ZNF596: variants seen among roughly 807,000 people sequenced by gnomAD.
ZNF596 encodes zinc finger protein 596.
In ZNF596, 45 loss-of-function variants were observed where a neutral mutation model predicts 48.3. The observed-to-expected ratio is 0.93, with a 90% confidence interval of 0.73 to 1.19. The LOEUF is 1.19. Among genes scored for constraint, ZNF596 ranks in the 50% most tolerant of loss-of-function variants. The pLI is 0.00. For synonymous variants in ZNF596, 270 were observed against 202.0 expected (o/e 1.34, Z -2.85); for missense variants, 848 against 599.7 (o/e 1.41, Z -4.32).
chr8:244,979 A>T (rs1797003748), intron 5 of ZNF596, among the ~76,000 whole-genome samples, 175 bp from the exon 6 acceptor site: 1 of 152,106 alleles, frequency 6.6e-6, no homozygotes, highest in Admixed American at 6.5e-5. Context: ...CAACAGGAAA[A>T]CTCTCTACAT....
At chr8:241,020 A>G (rs1014604666) in intron 2 of ZNF596, 113 bp downstream of exon 2, 61 of 1,308,376 alleles carry the variant, frequency 4.7e-5, no homozygotes, top group Non-Finnish European at 5.5e-5. Context: ...CCAAGCTCCA[A>G]TTAAGATTCC....
In ZNF596 at chr8:243,801, G is replaced by A. The variant is rs763554725; in HGVS notation, c.219G>A (p.Leu73=). ...TTTCAACACAAAGAATAAGCTTACT[G>A]CAAGGTGAGCTCTAAGAAGCAGTGC... The part of the protein sequence containing the change: ...EKLSTQRISL[L]QGREVGIKHQ... The change falls in exon 4 of 6, where the codon CTG becomes CTA. Residue 73 remains leucine, a synonymous_variant. Coordinates refer to ENST00000398612, the MANE Select transcript of ZNF596 (RefSeq NM_001042416.3). The A allele has an allele frequency of 5.0e-6, 8 of 1,612,272 alleles. No homozygotes were observed. The highest frequency in any genetic ancestry group is 1.1e-5 in the South Asian group (1 of 91,058).
At position 246,004 on chromosome 8, in the gene ZNF596, C is replaced by G. The variant is rs370301818; in HGVS notation, c.1157C>G (p.Thr386Ser). Residue 386 changes from threonine to serine, a missense_variant, in exon 6 of 6, where the codon ACT becomes AGT. Transcript: ENST00000398612. The stretch of plus-strand genomic sequence containing the variant: ...CTTAAACGACATGAGAGAATTCACA[C>G]TGGAGAGAAACCATATGAGTGCCAT... ...SVLKRHERIH[T>S]GEKPYECHVC... 5.9e-5 allele frequency: 95 copies of G among 1,614,108 alleles called. No homozygotes were observed. Among genetic ancestry groups the G allele is most frequent in the Admixed American group, 1.2e-4 (7 of 60,024 alleles).
At position 245,235 on chromosome 8, in the gene ZNF596, G is replaced by A. The variant is rs1325340481; in HGVS notation, c.388G>A (p.Val130Met). ...FTQHIALTQN[V>M]ITYMRTKHFV... ...TCAACATATAGCATTGACTCAAAATGTGATTACCTACATGAGAACGAAACA... is the reference window on the plus strand; with the variant it reads ...TCAACATATAGCATTGACTCAAAATATGATTACCTACATGAGAACGAAACA... The change falls in exon 6 of 6, where the codon GTG becomes ATG. Residue 130 changes from valine (V) to methionine (M), a missense_variant. Transcript: ENST00000398612. 4.3e-6 allele frequency: 7 copies of A among 1,613,846 alleles called. No homozygotes were observed. The highest frequency in any genetic ancestry group is 3.3e-5 in the Admixed American group (2 of 59,988).
chr8:246,183 C>T lies in ZNF596; in HGVS notation c.1336C>T (p.Pro446Ser). Residue 446 changes from proline to serine, a missense_variant, in exon 6 of 6, where the codon CCA becomes TCA. Transcript: ENST00000398612. ...TGAGAGAACTCACACTGGAGAGAAA[C>T]CATATGAATGCAATATATGTGGTAA... ...RHERTHTGEKPYECNICGKAF... is the reference protein window; with the variant it reads ...RHERTHTGEKSYECNICGKAF... 1 of 1,614,104 alleles carries T rather than the reference C, an allele frequency of 6.2e-7. No homozygotes were observed. Among genetic ancestry groups the T allele is most frequent in the Non-Finnish European group, 8.5e-7 (1 of 1,180,026 alleles).
At chr8:241,906 AG>A (rs563721861) in intron 2 of ZNF596, among the ~76,000 whole-genome samples, 2 of 152,206 alleles carry the variant, frequency 1.3e-5, no homozygotes, top group South Asian at 4.1e-4. Flanking sequence ...ATAAGGCAGC[AG>A]GAGAGAGACC....
At position 245,156 on chromosome 8, in the gene ZNF596, A is replaced by G; in HGVS notation, c.309A>G (p.Arg103=). 6.4e-7 allele frequency: 1 copy of G among 1,574,448 alleles called. No homozygotes were observed. The highest frequency in any genetic ancestry group is 8.6e-7 in the Non-Finnish European group (1 of 1,161,356). Reference sequence around the variant, plus strand: ...TTTCATTTCATTCCCAAAACCAGAGATCTCATACTCAAGAGGATCCTTTTC... The same window carrying G: ...TTTCATTTCATTCCCAAAACCAGAGGTCTCATACTCAAGAGGATCCTTTTC... ...QKGTSTISTM[R]SHTQEDPFLC... The change falls in exon 6 of 6, where the codon AGA becomes AGG. Residue 103 remains arginine (R), a splice_region_variant and synonymous_variant. Coordinates refer to ENST00000398612, the MANE Select transcript of ZNF596 (RefSeq NM_001042416.3).
chr8:236,013 G>A (rs1243896783), intron 1 of ZNF596, among the ~76,000 whole-genome samples: 2 of 152,126 alleles, frequency 1.3e-5, no homozygotes, highest in Non-Finnish European at 2.9e-5. Context: ...GGACTTTTAA[G>A]TCTAGGTTGC....
chr8:243,754 C>A lies in ZNF596; in HGVS notation c.172C>A (p.Gln58Lys), dbSNP rs774989482. ...KQLCKSVVLS[Q>K]LEQVEKLSTQ... ...GCTCTGCAAATCAGTTGTGCTTTCCCAATTGGAGCAAGTAGAGAAACTTTC... is the reference window on the plus strand; with the variant it reads ...GCTCTGCAAATCAGTTGTGCTTTCCAAATTGGAGCAAGTAGAGAAACTTTC... The change falls in exon 4 of 6, where the codon CAA becomes AAA. Residue 58 changes from glutamine (Q) to lysine (K), a missense_variant. Transcript: ENST00000398612. 1.5e-5 allele frequency: 24 copies of A among 1,613,718 alleles called. No homozygotes were observed. Among genetic ancestry groups the A allele is most frequent in the Non-Finnish European group, 1.9e-5 (23 of 1,179,774 alleles).
At position 246,132 on chromosome 8, in the gene ZNF596, A is replaced by C. The variant is rs1797076315; in HGVS notation, c.1285A>C (p.Asn429His). The change falls in exon 6 of 6, where the codon AAT becomes CAT. Residue 429 changes from asparagine (N) to histidine (H), a missense_variant. By Grantham distance (68) the Asn-to-His change is moderately conservative. Transcript: ENST00000398612. ...ATGCCATCTATGCGGAAAAGCCTTC[A>C]ATCACTCTTCTGTCCTTAGACGACA... ...YECHLCGKAFNHSSVLRRHER... is the reference protein window; with the variant it reads ...YECHLCGKAFHHSSVLRRHER... The C allele has an allele frequency of 1.9e-6, 3 of 1,613,508 alleles. No individual in the cohort carries two copies. The highest frequency in any genetic ancestry group is 1.7e-6 in the Non-Finnish European group (2 of 1,179,438).
rs1411368966 is a variant in ZNF596, at chr8:245,598, T to C, written c.751T>C (p.Tyr251His). ...GAGAACTCACACTGGAGAGAAGCCA[T>C]ATGGATGTCATCTATGTGGGAAAGC... ...HERTHTGEKP[Y>H]GCHLCGKAFS... The change falls in exon 6 of 6, where the codon TAT (tyrosine) becomes CAT (histidine). Residue 251 changes from tyrosine to histidine, a missense_variant. Physicochemically the swap from Tyr to His is moderately conservative, Grantham distance 83. Coordinates refer to ENST00000398612, the MANE Select transcript of ZNF596 (RefSeq NM_001042416.3). 6.2e-7 allele frequency: 1 copy of C among 1,613,746 alleles called. No individual in the cohort carries two copies. The highest frequency in any genetic ancestry group is 8.5e-7 in the Non-Finnish European group (1 of 1,179,984).
intron 1 of ZNF596, among the ~76,000 whole-genome samples, chr8:238,411 C>A (rs1796707212): frequency 6.6e-6 from 1 of 151,966 alleles, no homozygotes. Flanking sequence ...ACTGGCACAG[C>A]TCTGTGAGAC....
Position 246,777 on chromosome 8 carries a change from C to T in ZNF596, c.*415C>T, listed in dbSNP as rs934416744. ...TGTGCACTCTCATTCAGCTAAGCAC[C>T]AATTTTGGTGTGTGCAAGAAAATTC... is the stretch of plus-strand genomic sequence containing the variant. On this transcript the variant is annotated 3_prime_UTR_variant, in exon 6 of 6. Transcript: ENST00000398612. The T allele has an allele frequency of 1.2e-5, 2 of 161,562 alleles. No homozygotes were observed. The highest frequency in any genetic ancestry group is 4.8e-5 in the African/African-American group (2 of 41,668). The allele number at this position is 161,562 out of a possible 1,614,324, so 10.0% of individuals were successfully genotyped here. A position where few individuals can be genotyped will look rare whatever the true frequency, so the allele number is the denominator to read the frequency against.
At chr8:236,399 G>C (rs1423178184) in intron 1 of ZNF596, among the ~76,000 whole-genome samples, 1 of 151,990 alleles carries the variant, frequency 6.6e-6, no homozygotes, top group Non-Finnish European at 1.5e-5. Context: ...CATTTTTGTA[G>C]TCCCTCTCCT....
intron 5 of ZNF596, 92 bp from the exon 6 acceptor site, chr8:245,062 T>G (rs1420816669): frequency 1.3e-5 from 18 of 1,419,432 alleles, no homozygotes; most frequent in Non-Finnish European, 1.5e-5. Flanking sequence ...CACTGAATGA[T>G]TATTCTAGAA....
intron 2 of ZNF596, 122 bp downstream of exon 2, chr8:241,029 C>A (rs370965992): frequency 4.1e-6 from 5 of 1,223,932 alleles, no homozygotes; most frequent in East Asian, 4.7e-5. Context: ...AATTAAGATT[C>A]CCCAGGGCTT....
intron 4 of ZNF596, chr8:244,283 A>G (rs897387888): frequency 1.5e-5 from 4 of 275,596 alleles, no homozygotes; most frequent in Admixed American, 1.1e-4. Context: ...TGTAGGTATC[A>G]ATTTTTATTC....
rs1797096214 is a variant in ZNF596, at chr8:246,479, TA to T, written c.*120del. 1.5e-6 allele frequency: 2 copies of T among 1,322,780 alleles called. No individual in the cohort carries two copies. The highest frequency in any genetic ancestry group is 4.7e-5 in the East Asian group (2 of 42,770). The allele number at this position is 1,322,780 out of a possible 1,614,324, so 81.9% of individuals were successfully genotyped here. On this transcript the variant is annotated 3_prime_UTR_variant, in exon 6 of 6. Transcript: ENST00000398612. ...TTTATATTTACCACTTTGCTCAACC[TA>T]AATGAATTCAAGGTAGAGAGAATCC...
At chr8:232,226 A>C (rs1156692097), upstream of ZNF596, 1 of 159,332 alleles carries the variant, frequency 6.3e-6, no homozygotes, top group African/African-American at 2.4e-5. Flanking sequence ...CGGCGGAGAC[A>C]CTGGCAGGGC....
Sources: gnomAD v4.1 joint callset for allele counts (sites outside exome capture counted in the v4.1 genomes callset) on GRCh38, gnomAD v4.1.1 for gene constraint, MANE v1.5 for transcripts, NCBI Gene and HGNC (gene_info 2026-07-23, HGNC 2026-07-21) for gene names.